Variants in LRRC4C observed in about 807,000 individuals in gnomAD.
The protein encoded by LRRC4C is leucine-rich repeat-containing protein 4C.
In LRRC4C, 5 loss-of-function variants were observed where a neutral mutation model predicts 33.6. The observed-to-expected ratio is 0.15, with a 90% CI of 0.08 to 0.31. LRRC4C has a LOEUF of 0.31. Among genes scored for constraint, LRRC4C ranks in the 10% least tolerant of loss-of-function variants. The pLI is 1.00. For synonymous variants in LRRC4C, 329 were observed against 302.0 expected, an observed-to-expected ratio of 1.09 and a Z score of -0.93; for missense variants, 560 against 796.7, an observed-to-expected ratio of 0.70 and a Z score of 3.58.
intron 2 of LRRC4C, among the ~76,000 whole-genome samples, chr11:40,854,719 TAATA>T (rs1180418309): frequency 6.6e-6 from 1 of 151,016 alleles, no homozygotes; most frequent in Admixed American, 6.6e-5. Context: ...AAGTGTATAT[TAATA>T]TATATATTTT....
intron 3 of LRRC4C, among the ~76,000 whole-genome samples, chr11:40,336,813 G>A (rs560765745): frequency 1.3e-5 from 2 of 151,584 alleles, no homozygotes; most frequent in East Asian, 2.0e-4. Context: ...CATCTCTACT[G>A]AAAATACAAA....
intron 3 of LRRC4C, among the ~76,000 whole-genome samples, chr11:40,478,659 A>G (rs185609569): frequency 1.5e-3 from 222 of 152,334 alleles, no homozygotes; most frequent in Middle Eastern, 0.01. Flanking sequence ...CGTCATTTAC[A>G]TTAGTAATTT....
intron 2 of LRRC4C, among the ~76,000 whole-genome samples, chr11:40,713,656 T>G (rs1011186664): frequency 6.6e-6 from 1 of 152,238 alleles, no homozygotes; most frequent in Non-Finnish European, 1.5e-5. Context: ...TATTTTAAAA[T>G]GACAATCTGA....
At chr11:40,364,139 C>A (rs566758685) in intron 3 of LRRC4C, among the ~76,000 whole-genome samples, 2,177 of 151,920 alleles carry the variant, frequency 0.014, 44 homozygotes, top group African/African-American at 0.049. Context: ...GAAAAAAATA[C>A]AGCAACCACC....
intron 3 of LRRC4C, among the ~76,000 whole-genome samples, chr11:40,342,536 C>T (rs1219636414): frequency 2.0e-5 from 3 of 151,818 alleles, no homozygotes; most frequent in South Asian, 2.1e-4. Context: ...GAAAATACTG[C>T]GATTCAGTAG....
At chr11:41,299,996 C>T (rs1950243363) in intron 1 of LRRC4C, among the ~76,000 whole-genome samples, 1 of 152,050 alleles carries the variant, frequency 6.6e-6, no homozygotes, top group Admixed American at 6.6e-5. Context: ...TTTCCAAGAA[C>T]ATCATGAGTA....
intron 1 of LRRC4C, among the ~76,000 whole-genome samples, chr11:41,127,718 G>T (rs1942814385): frequency 8.9e-6 from 1 of 112,234 alleles, no homozygotes; most frequent in Non-Finnish European, 1.9e-5. Flanking sequence ...CCGTGCTTGA[G>T]TCTTCAGTGC....
At chr11:40,275,340 C>T (rs1438743362) in intron 4 of LRRC4C, among the ~76,000 whole-genome samples, 2 of 152,044 alleles carry the variant, frequency 1.3e-5, no homozygotes, top group African/African-American at 4.8e-5. Flanking sequence ...ACAATTTCAT[C>T]CTGCTCCTTA....
chr11:40,634,383 T>C (rs1046279582), intron 3 of LRRC4C, among the ~76,000 whole-genome samples: 1 of 152,144 alleles, frequency 6.6e-6, no homozygotes, highest in African/African-American at 2.4e-5. Flanking sequence ...TTGTTACAGA[T>C]GAAAGGAAGT....
chr11:41,373,093 G>A (rs1952812607), intron 1 of LRRC4C, among the ~76,000 whole-genome samples: 1 of 152,004 alleles, frequency 6.6e-6, no homozygotes, highest in Admixed American at 6.6e-5. Flanking sequence ...ATAACTATAT[G>A]GGGAGTTATG....
At chr11:41,182,865 G>C (rs1429211203) in intron 1 of LRRC4C, among the ~76,000 whole-genome samples, 1 of 149,518 alleles carries the variant, frequency 6.7e-6, no homozygotes, top group African/African-American at 2.4e-5. Context: ...AAAAAAAAAG[G>C]TTTAATGTAC....
intron 3 of LRRC4C, among the ~76,000 whole-genome samples, chr11:40,504,350 G>C (rs1954928313): frequency 6.6e-6 from 1 of 152,044 alleles, no homozygotes; most frequent in African/African-American, 2.4e-5. Flanking sequence ...GTATACTATG[G>C]GGAGTAAGAG....
At chr11:41,151,878 A>AT (rs1222079487) in intron 1 of LRRC4C, among the ~76,000 whole-genome samples, 3 of 152,210 alleles carry the variant, frequency 2.0e-5, no homozygotes, top group African/African-American at 7.2e-5. Flanking sequence ...ATTTGATGGT[A>AT]TTTTTATAAT....
chr11:41,357,511 G>T (rs1012507145), intron 1 of LRRC4C, among the ~76,000 whole-genome samples: 2 of 151,994 alleles, frequency 1.3e-5, no homozygotes, highest in Admixed American at 6.6e-5. Flanking sequence ...GCTCACAGAA[G>T]AATTAAGTCT....
chr11:41,375,762 T>C (rs1952914356), intron 1 of LRRC4C, among the ~76,000 whole-genome samples: 1 of 152,128 alleles, frequency 6.6e-6, no homozygotes, highest in Non-Finnish European at 1.5e-5. Flanking sequence ...TTTGCCTGCT[T>C]GTCTATAGTA....
intron 2 of LRRC4C, among the ~76,000 whole-genome samples, chr11:40,890,709 C>T (rs139657475): frequency 3.9e-5 from 6 of 151,914 alleles, no homozygotes; most frequent in African/African-American, 1.2e-4. Context: ...ATTTACCAAG[C>T]TCGTTAAGTA....
intron 5 of LRRC4C, among the ~76,000 whole-genome samples, chr11:40,204,434 C>G (rs897615504): frequency 6.6e-6 from 1 of 152,002 alleles, no homozygotes; most frequent in African/African-American, 2.4e-5. Context: ...ATTATAAATC[C>G]TTTCTCTGCC....
At chr11:41,228,663 C>A (rs1447084913) in intron 1 of LRRC4C, among the ~76,000 whole-genome samples, 1 of 152,054 alleles carries the variant, frequency 6.6e-6, no homozygotes, top group Non-Finnish European at 1.5e-5. Flanking sequence ...TTGCTTCAGG[C>A]AAATAACAAA....
intron 6 of LRRC4C, among the ~76,000 whole-genome samples, chr11:40,120,353 C>T (rs2134648563): frequency 6.6e-6 from 1 of 152,260 alleles, no homozygotes; most frequent in African/African-American, 2.4e-5. Context: ...AGTTATCCTC[C>T]TTGTAAATTT....
Sources: gnomAD v4.1 joint callset for allele counts (sites outside exome capture counted in the v4.1 genomes callset) on GRCh38, gnomAD v4.1.1 for gene constraint, MANE v1.5 for transcripts, NCBI Gene and HGNC (gene_info 2026-07-23, HGNC 2026-07-21) for gene names.